The following PDE10A variants were observed in gnomAD, a reference collection of about 807,000 sequenced individuals.
The protein encoded by PDE10A is phosphodiesterase 10A, also known as cAMP and cAMP-inhibited cGMP 3',5'-cyclic phosphodiesterase 10A.
In PDE10A, 39 loss-of-function variants were observed where a neutral mutation model predicts 97.7. The observed-to-expected ratio is 0.40, with a 90% CI of 0.31 to 0.52. The LOEUF is 0.52. PDE10A is among the 20% of genes least tolerant of loss of function. The pLI, the probability that PDE10A is intolerant of heterozygous loss-of-function variation, is 0.56. For missense variants in PDE10A, 731 were observed against 1,047.8 expected, an observed-to-expected ratio of 0.70 and a Z score of 4.17; for synonymous variants, 371 against 376.8, an observed-to-expected ratio of 0.98 and a Z score of 0.18.
At chr6:165,960,063 A>G (rs1386006593) in intron 1 of PDE10A, among the ~76,000 whole-genome samples, 1 of 152,226 alleles carries the variant, frequency 6.6e-6, no homozygotes, top group African/African-American at 2.4e-5. Flanking sequence ...ACAGCCATCC[A>G]AAATTAAAAT....
chr6:165,507,786 C>T (rs918855759), intron 2 of PDE10A, among the ~76,000 whole-genome samples: 52 of 151,962 alleles, frequency 3.4e-4, no homozygotes, highest in African/African-American at 1.2e-3. Flanking sequence ...AAATATTTTA[C>T]GGTTTTAGTC....
Position 165,737,754 on chromosome 6 carries a change from G to A in PDE10A, c.-614-194186C>T, listed in dbSNP as rs146255231. Reference sequence around the variant, plus strand: ...CTAAGATCACGAACAAGACAAGGATGCCCACTCTTGCCACTTCTATTCAAT... The same window carrying A: ...CTAAGATCACGAACAAGACAAGGATACCCACTCTTGCCACTTCTATTCAAT... On this transcript the variant is annotated intron_variant, in intron 1 of 19. Coordinates refer to the PDE10A transcript ENST00000366882. Among the ~76,000 whole-genome samples the A allele has an allele frequency of 2.1e-3, 327 of 152,260 alleles. 4 individuals carry two copies. Among genetic ancestry groups the A allele is most frequent in the African/African-American group, 7.4e-3 (307 of 41,566 alleles).
intron 10 of PDE10A, among the ~76,000 whole-genome samples, chr6:165,423,427 G>T (rs760526583): frequency 6.6e-6 from 1 of 152,178 alleles, no homozygotes. Flanking sequence ...ATGTTTGTTG[G>T]TTACGAGTTC....
intron 1 of PDE10A, among the ~76,000 whole-genome samples, chr6:165,867,655 T>C (rs1781096401): frequency 6.6e-6 from 1 of 151,964 alleles, no homozygotes; most frequent in African/African-American, 2.4e-5. Flanking sequence ...TCAAACTTAA[T>C]CTGCACCATA....
chr6:165,385,724 C>T (rs1785257458), intron 17 of PDE10A, among the ~76,000 whole-genome samples: 1 of 152,186 alleles, frequency 6.6e-6, no homozygotes, highest in Admixed American at 6.5e-5. Context: ...CAGAAATTTT[C>T]CGAAGAGGAA....
At chr6:165,799,435 C>T (rs993592432) in intron 1 of PDE10A, among the ~76,000 whole-genome samples, 5 of 148,126 alleles carry the variant, frequency 3.4e-5, no homozygotes, top group African/African-American at 1.0e-4. Flanking sequence ...TTGCCCCTCA[C>T]CTAAAAAGCA....
intron 2 of PDE10A, among the ~76,000 whole-genome samples, chr6:165,519,028 T>C (rs1381356963): frequency 6.6e-6 from 1 of 152,098 alleles, no homozygotes; most frequent in African/African-American, 2.4e-5. Flanking sequence ...AAAAGAAAGA[T>C]GAGGGTGAGA....
intron 1 of PDE10A, among the ~76,000 whole-genome samples, chr6:165,794,006 A>T (rs1265812593): frequency 2.0e-5 from 3 of 152,170 alleles, no homozygotes; most frequent in African/African-American, 7.2e-5. Context: ...ATGCCAGTCC[A>T]GTCTCAAAGC....
At chr6:165,787,331 G>A (rs958333081) in intron 1 of PDE10A, among the ~76,000 whole-genome samples, 5 of 152,186 alleles carry the variant, frequency 3.3e-5, no homozygotes, top group East Asian at 3.8e-4. Flanking sequence ...CCAGCATGAA[G>A]AACTAGGGAT....
intron 2 of PDE10A, among the ~76,000 whole-genome samples, chr6:165,516,862 T>C (rs1381327668): frequency 6.6e-6 from 1 of 152,154 alleles, no homozygotes; most frequent in Non-Finnish European, 1.5e-5. Flanking sequence ...AACCTACTTT[T>C]AGACAATGTA....
chr6:165,932,037 A>T lies in PDE10A; in HGVS notation c.-615+55492T>A, dbSNP rs150280777. Among the ~76,000 whole-genome samples the T allele has an allele frequency of 7.6e-4, 116 of 152,258 alleles. 1 individual carries two copies. In the East Asian group the frequency reaches 0.021, roughly 28 times the overall value. ...GCACAGCCTTGGCAAGTGCGGGTGA[A>T]CGGTCACAAAAGCAGAAACCATCAA... On this transcript the variant is annotated intron_variant, in intron 1 of 19. Transcript: ENST00000366882.
chr6:165,344,129 T>A (rs1156493572), intron 18 of PDE10A, among the ~76,000 whole-genome samples: 1 of 152,214 alleles, frequency 6.6e-6, no homozygotes, highest in Non-Finnish European at 1.5e-5. Flanking sequence ...CCTTTTCAGC[T>A]GCTTGCATTC....
chr6:165,917,847 G>A (rs1782650490), intron 1 of PDE10A, among the ~76,000 whole-genome samples: 1 of 152,146 alleles, frequency 6.6e-6, no homozygotes, highest in African/African-American at 2.4e-5. Context: ...CTCTGAGCCG[G>A]TGACGCTGGA....
At chr6:165,363,660 A>G (rs541124385) in intron 18 of PDE10A, among the ~76,000 whole-genome samples, 1 of 152,354 alleles carries the variant, frequency 6.6e-6, no homozygotes, top group East Asian at 1.9e-4. Flanking sequence ...AAAAATTATT[A>G]GAAGAAATGA....
chr6:165,703,318 C>G (rs1408678458), intron 1 of PDE10A, among the ~76,000 whole-genome samples: 1 of 152,174 alleles, frequency 6.6e-6, no homozygotes, highest in Non-Finnish European at 1.5e-5. Context: ...TAGATTCTGC[C>G]TGTCCCTTTC....
chr6:165,358,857 C>T (rs1451956944), intron 18 of PDE10A, among the ~76,000 whole-genome samples: 1 of 151,480 alleles, frequency 6.6e-6, no homozygotes, highest in Non-Finnish European at 1.5e-5. Flanking sequence ...TATGCATATT[C>T]TAATCTCTAG....
At chr6:165,811,306 A>G (rs1323879716) in intron 1 of PDE10A, among the ~76,000 whole-genome samples, 1 of 152,204 alleles carries the variant, frequency 6.6e-6, no homozygotes, top group African/African-American at 2.4e-5. Flanking sequence ...GGAATTGAAG[A>G]TACTGATAGT....
At chr6:165,407,129 A>G (rs958800077) in intron 13 of PDE10A, among the ~76,000 whole-genome samples, 13 of 152,240 alleles carry the variant, frequency 8.5e-5, no homozygotes, top group Admixed American at 3.3e-4. Flanking sequence ...TCATCTATAT[A>G]TGTATCCTGT....
intron 1 of PDE10A, among the ~76,000 whole-genome samples, chr6:165,579,005 A>G (rs1399391707): frequency 6.6e-6 from 1 of 152,264 alleles, no homozygotes; most frequent in African/African-American, 2.4e-5. Flanking sequence ...ATCCACGAAC[A>G]GACAAGACGG....
Sources: gnomAD v4.1 joint callset for allele counts (sites outside exome capture counted in the v4.1 genomes callset) on GRCh38, gnomAD v4.1.1 for gene constraint, MANE v1.5 for transcripts, NCBI Gene and HGNC (gene_info 2026-07-23, HGNC 2026-07-21) for gene names.